Variants in ARK2N observed in about 807,000 individuals in gnomAD.
ARK2N encodes arkadia (RNF111) N-terminal like PKA signaling regulator 2N.
the ARK2N span, among the ~76,000 whole-genome samples, chr18:46,223,884 A>G: frequency 6.6e-6 from 1 of 152,230 alleles, no homozygotes; most frequent in African/African-American, 2.4e-5. Flanking sequence ...TATAAGAGAT[A>G]AAGATTAGGA....
At chr18:46,228,760 G>A in the ARK2N span, 6 of 398,304 alleles carry the variant, frequency 1.5e-5, no homozygotes, top group Admixed American at 4.4e-5. Context: ...TTGTAGGGAC[G>A]GGGTTCTGTT....
chr18:46,233,080 AT>A, the ARK2N span: 1 of 152,160 alleles, frequency 6.6e-6, no homozygotes, highest in Non-Finnish European at 1.5e-5. Context: ...TAGATTTTGC[AT>A]ATTTGGCAGA....
At chr18:46,249,947 G>A in the ARK2N span, among the ~76,000 whole-genome samples, 13 of 152,016 alleles carry the variant, frequency 8.6e-5, no homozygotes, top group Non-Finnish European at 1.6e-4. Flanking sequence ...TCAGTTTCCC[G>A]AGTTGCTGAG....
At chr18:46,250,942 A>G in the ARK2N span, among the ~76,000 whole-genome samples, 2 of 152,154 alleles carry the variant, frequency 1.3e-5, no homozygotes, top group Non-Finnish European at 2.9e-5. Context: ...AGTCTGGTGA[A>G]TGTTCCCTAT....
chr18:46,260,841 A>G, the ARK2N span, among the ~76,000 whole-genome samples: 124 of 152,318 alleles, frequency 8.1e-4, 4 homozygotes, highest in East Asian at 0.022. Context: ...CTCCAGTTCT[A>G]TGCTTAACTT....
the ARK2N span, among the ~76,000 whole-genome samples, chr18:46,245,120 T>C: frequency 1.7e-3 from 262 of 152,042 alleles, no homozygotes; most frequent in Non-Finnish European, 3.2e-3. Flanking sequence ...TTAGTAGAGA[T>C]GGGGTTTCAC....
At chr18:46,222,775 A>G in the ARK2N span, among the ~76,000 whole-genome samples, 2 of 152,250 alleles carry the variant, frequency 1.3e-5, no homozygotes, top group South Asian at 4.1e-4. Context: ...GAGAGTTCCC[A>G]TGTACCCCCT....
At chr18:46,205,163 C>T in the ARK2N span, among the ~76,000 whole-genome samples, 1 of 152,082 alleles carries the variant, frequency 6.6e-6, no homozygotes, top group East Asian at 1.9e-4. Flanking sequence ...CCGCCTCGGC[C>T]CCCCAAAGTG....
chr18:46,260,101 T>C, the ARK2N span, among the ~76,000 whole-genome samples: 109,904 of 152,098 alleles, frequency 0.72, 39,879 homozygotes, highest in Middle Eastern at 0.76. Flanking sequence ...ATCTTAAAAT[T>C]TTCCTTAACA....
At chr18:46,239,266 T>C in the ARK2N span, among the ~76,000 whole-genome samples, 5 of 152,178 alleles carry the variant, frequency 3.3e-5, no homozygotes, top group African/African-American at 1.2e-4. Flanking sequence ...CAGTAAGAAC[T>C]TCAATATTTT....
chr18:46,255,187 G>T, the ARK2N span, among the ~76,000 whole-genome samples: 1 of 152,096 alleles, frequency 6.6e-6, no homozygotes, highest in Non-Finnish European at 1.5e-5. Context: ...TTTCTAGAGA[G>T]ATCTAAGTAT....
At chr18:46,173,617 C>G in the ARK2N span, 1 of 152,234 alleles carries the variant, frequency 6.6e-6, no homozygotes, top group Non-Finnish European at 1.5e-5. Flanking sequence ...TATCGGCATC[C>G]GCGAAAAAGC....
the ARK2N span, among the ~76,000 whole-genome samples, chr18:46,176,061 A>G: frequency 6.6e-6 from 1 of 152,352 alleles, no homozygotes; most frequent in South Asian, 2.1e-4. Context: ...ATGCAGTTCC[A>G]TTAGAACTGA....
chr18:46,206,789 T>G, the ARK2N span, among the ~76,000 whole-genome samples: 1 of 152,108 alleles, frequency 6.6e-6, no homozygotes, highest in Non-Finnish European at 1.5e-5. Context: ...TTATTTTTAT[T>G]TTTTTGAGAC....
the ARK2N span, among the ~76,000 whole-genome samples, chr18:46,237,414 G>C: frequency 6.9e-6 from 1 of 145,728 alleles, no homozygotes; most frequent in African/African-American, 2.5e-5. Context: ...TTGAGGCAGA[G>C]CCTTGATCTG....
At chr18:46,187,494 G>A in the ARK2N span, among the ~76,000 whole-genome samples, 122 of 151,602 alleles carry the variant, frequency 8.0e-4, no homozygotes, top group Middle Eastern at 3.4e-3. Context: ...GGTGCACGCC[G>A]CCACGCCTGG....
the ARK2N span, among the ~76,000 whole-genome samples, chr18:46,211,907 C>T: frequency 1.3e-5 from 2 of 152,172 alleles, no homozygotes; most frequent in African/African-American, 4.8e-5. Context: ...CTGCTAGCTA[C>T]TTGACTGTTC....
the ARK2N span, among the ~76,000 whole-genome samples, chr18:46,212,744 A>AT: frequency 3.5e-4 from 53 of 151,268 alleles, no homozygotes; most frequent in Admixed American, 2.3e-3. Flanking sequence ...CCATATTGTC[A>AT]TTTTTTTTTA....
the ARK2N span, among the ~76,000 whole-genome samples, chr18:46,201,779 C>CTT: frequency 0.011 from 1,501 of 135,754 alleles, 53 homozygotes; most frequent in East Asian, 0.12. Flanking sequence ...CTTTTCTTTT[C>CTT]TTTTTTTTTT....
Sources: allele counts gnomAD v4.1 joint callset (sites outside exome capture counted in the v4.1 genomes callset), GRCh38; gene constraint gnomAD v4.1.1; transcripts MANE v1.5; gene names NCBI Gene and HGNC (gene_info 2026-07-23, HGNC 2026-07-21).